Variants in PHACTR1 observed in about 807,000 individuals in gnomAD.
PHACTR1 encodes the protein RPEL repeat containing 1.
A neutral mutation model predicts 69.2 loss-of-function variants in PHACTR1; 16 were observed. The ratio of observed to expected loss-of-function variants is 0.23; its 90% CI spans 0.16 to 0.35. The LOEUF (loss-of-function observed/expected upper bound fraction) is 0.35. Ranked by LOEUF, PHACTR1 falls within the 10% of genes least tolerant of loss-of-function variation. The probability of loss-of-function intolerance (pLI) is 1.00; values close to 1 mark genes in which losing one functional copy is unlikely to be tolerated. For missense variants in PHACTR1, 510 were observed against 734.7 expected (o/e 0.69, Z 3.54); for synonymous variants, 312 against 284.5 (o/e 1.10, Z -0.97).
chr6:12,892,785 G>C (rs1449502775), intron 4 of PHACTR1, among the ~76,000 whole-genome samples: 1 of 152,232 alleles, frequency 6.6e-6, no homozygotes, highest in Admixed American at 6.5e-5. Flanking sequence ...ACAATGTGGA[G>C]TAAAGGAGGA....
chr6:12,994,279 A>T (rs187445324), intron 4 of PHACTR1, among the ~76,000 whole-genome samples: 211 of 152,328 alleles, frequency 1.4e-3, no homozygotes, highest in African/African-American at 4.6e-3. Flanking sequence ...AAAAGGGGAT[A>T]GTGTAAAGCA....
At chr6:12,824,109 C>T (rs1255871651) in intron 4 of PHACTR1, among the ~76,000 whole-genome samples, 2 of 152,112 alleles carry the variant, frequency 1.3e-5, no homozygotes, top group African/African-American at 4.8e-5. Context: ...CTGAGCTCTG[C>T]CTCCCGTCAG....
intron 4 of PHACTR1, among the ~76,000 whole-genome samples, chr6:13,023,848 A>G (rs1298756656): frequency 1.3e-5 from 2 of 152,246 alleles, no homozygotes; most frequent in Non-Finnish European, 2.9e-5. Context: ...AGGCCGAAGC[A>G]GGCAGATTAC....
At chr6:12,863,606 C>T (rs1347026957) in intron 4 of PHACTR1, among the ~76,000 whole-genome samples, 2 of 152,126 alleles carry the variant, frequency 1.3e-5, no homozygotes, top group East Asian at 1.9e-4. Flanking sequence ...ATTCAAAGGC[C>T]AGGATCTGAT....
intron 12 of PHACTR1, chr6:13,279,560 T>C (rs1779701467): frequency 6.6e-6 from 1 of 152,240 alleles, no homozygotes; most frequent in Non-Finnish European, 1.5e-5. Context: ...TGATGGTTTG[T>C]ATTTCTCCAC....
chr6:13,123,704 G>GA (rs1819091583), intron 5 of PHACTR1, among the ~76,000 whole-genome samples: 2 of 152,078 alleles, frequency 1.3e-5, no homozygotes, highest in African/African-American at 2.4e-5. Context: ...TTCTGAAACA[G>GA]AAAAAAGAAC....
chr6:12,837,857 G>A (rs1778309908), intron 4 of PHACTR1, among the ~76,000 whole-genome samples: 1 of 152,236 alleles, frequency 6.6e-6, no homozygotes, highest in African/African-American at 2.4e-5. Context: ...AAACTTAGTG[G>A]CTTAAAACAA....
intron 8 of PHACTR1, chr6:13,213,947 G>T (rs1482775908): frequency 6.6e-6 from 1 of 152,182 alleles, no homozygotes; most frequent in Non-Finnish European, 1.5e-5. Context: ...AACTATTTAT[G>T]GAGTGGGTTT....
intron 4 of PHACTR1, among the ~76,000 whole-genome samples, chr6:12,823,293 T>C (rs1003157919): frequency 7.9e-5 from 12 of 152,228 alleles, no homozygotes; most frequent in Admixed American, 6.5e-4. Flanking sequence ...TGACACATGG[T>C]GAGTGCTTAA....
At chr6:12,946,183 G>A (rs546183917) in intron 4 of PHACTR1, among the ~76,000 whole-genome samples, 2 of 151,854 alleles carry the variant, frequency 1.3e-5, no homozygotes, top group South Asian at 2.1e-4. Flanking sequence ...TGAGAAGGTG[G>A]GTAGGGAAAG....
intron 4 of PHACTR1, among the ~76,000 whole-genome samples, chr6:13,014,214 G>A (rs1239872119): frequency 1.3e-5 from 2 of 152,096 alleles, no homozygotes; most frequent in Non-Finnish European, 2.9e-5. Context: ...GTCTCAGTTT[G>A]GGGGCACCGC....
rs112048757 is a variant in PHACTR1, at chr6:12,806,561, C to T, written c.250+56771C>T. On this transcript the variant is annotated intron_variant, in intron 4 of 14. Transcript: ENST00000332995. ...TCAAAATCCTGGGATTAAATGACCT[C>T]CTGCCTCAGCCTCCCTCCTAGCTGG... Among the ~76,000 whole-genome samples, 1,056 of 152,260 alleles carry T rather than the reference C, an allele frequency of 6.9e-3. 6 individuals carry two copies. Among genetic ancestry groups the T allele is most frequent in the Middle Eastern group, 0.027 (8 of 294 alleles).
intron 4 of PHACTR1, among the ~76,000 whole-genome samples, chr6:12,760,670 C>T (rs1016814515): frequency 2.6e-5 from 4 of 152,274 alleles, no homozygotes; most frequent in South Asian, 2.1e-4. Flanking sequence ...CGGTGGCTCA[C>T]GCCTATAATC....
chr6:12,883,708 C>A (rs560162129), intron 4 of PHACTR1, among the ~76,000 whole-genome samples: 2 of 152,196 alleles, frequency 1.3e-5, no homozygotes, highest in African/African-American at 4.8e-5. Flanking sequence ...AGAGCTGGAA[C>A]AAGTTGATAA....
chr6:12,753,492 G>A (rs1766868312), intron 4 of PHACTR1, among the ~76,000 whole-genome samples: 1 of 152,208 alleles, frequency 6.6e-6, no homozygotes, highest in Admixed American at 6.5e-5. Flanking sequence ...GCATCCTGAT[G>A]ATTTAGGCAC....
chr6:13,086,480 C>A (rs1812327843), intron 5 of PHACTR1, among the ~76,000 whole-genome samples: 1 of 152,062 alleles, frequency 6.6e-6, no homozygotes, highest in Admixed American at 6.6e-5. Flanking sequence ...TTCCTTCATT[C>A]CCCTTTGTAG....
Position 12,941,817 on chromosome 6 carries a change from C to T in PHACTR1, c.251-111548C>T, listed in dbSNP as rs1206567884. ...AACCTGATGTTTGTAACGCTGAAGGCTTGCACTGGCATAGAAAAATATGTA... is the reference window on the plus strand; with the variant it reads ...AACCTGATGTTTGTAACGCTGAAGGTTTGCACTGGCATAGAAAAATATGTA... On this transcript the variant is annotated intron_variant, in intron 4 of 14. Transcript: ENST00000332995. Among the ~76,000 whole-genome samples the T allele has an allele frequency of 3.9e-5, 6 of 152,278 alleles. No individual in the cohort carries two copies. In the East Asian group the frequency reaches 5.8e-4, roughly 15 times the overall value.
intron 9 of PHACTR1, among the ~76,000 whole-genome samples, chr6:13,229,138 A>AT (rs1157812774): frequency 5.3e-5 from 8 of 152,194 alleles, no homozygotes; most frequent in African/African-American, 1.9e-4. Context: ...TATCCAGAGA[A>AT]TTAAATGTTT....
intron 4 of PHACTR1, among the ~76,000 whole-genome samples, chr6:12,784,384 GATGATAT>G (rs1453131160): frequency 1.3e-5 from 2 of 150,792 alleles, no homozygotes; most frequent in Non-Finnish European, 3.0e-5. Flanking sequence ...ACAGATACAT[GATGATAT>G]ATACATATAC....
Sources: gnomAD v4.1 joint callset for allele counts (sites outside exome capture counted in the v4.1 genomes callset) on GRCh38, gnomAD v4.1.1 for gene constraint, MANE v1.5 for transcripts, NCBI Gene and HGNC (gene_info 2026-07-23, HGNC 2026-07-21) for gene names.